SEMA3E: variants seen among roughly 807,000 people sequenced by gnomAD.
SEMA3E encodes the protein semaphorin 3E.
In SEMA3E, 49 loss-of-function variants were observed where a neutral mutation model predicts 93.6. The observed-to-expected ratio is 0.52, with a 90% CI of 0.42 to 0.66. The LOEUF is 0.66. Among genes scored for constraint, SEMA3E ranks in the 30% least tolerant of loss-of-function variants. SEMA3E has a pLI of 0.00. For synonymous variants in SEMA3E, 363 were observed against 330.7 expected (o/e 1.10, Z -1.06); for missense variants, 906 against 964.8 (o/e 0.94, Z 0.81).
chr7:83,407,737 G>C (rs1266845964), intron 6 of SEMA3E, among the ~76,000 whole-genome samples: 2 of 151,922 alleles, frequency 1.3e-5, no homozygotes, highest in East Asian at 3.9e-4. Flanking sequence ...TACGTTTTTG[G>C]GATTGTAGTC....
At chr7:83,547,816 G>T (rs1791682050) in intron 1 of SEMA3E, among the ~76,000 whole-genome samples, 2 of 152,028 alleles carry the variant, frequency 1.3e-5, no homozygotes, top group African/African-American at 4.8e-5. Flanking sequence ...ACTGCCAGGT[G>T]AGGCAAGCAG....
chr7:83,571,713 G>A (rs952825383), intron 1 of SEMA3E, among the ~76,000 whole-genome samples: 3 of 152,166 alleles, frequency 2.0e-5, no homozygotes, highest in Non-Finnish European at 1.5e-5. Context: ...AGTACTGGAA[G>A]TGCTAGCCAG....
Position 83,543,885 on chromosome 7 carries a change from T to C in SEMA3E, c.116-53611A>G, listed in dbSNP as rs193065360. On this transcript the variant is annotated intron_variant, in intron 1 of 16. Transcript: ENST00000643230. ...AATATCAAGGTAATGTTTATAGCAC[T>C]ATATTTTCACACTTCTTGATCAGTT... is the stretch of plus-strand genomic sequence containing the variant. 1.3e-3 allele frequency among the ~76,000 whole-genome samples: 197 copies of C among 152,188 alleles called. 1 individual carries two copies. The Middle Eastern group carries it at 0.014, about 11-fold the overall frequency.
chr7:83,422,137 A>G (rs1193976311), intron 4 of SEMA3E, among the ~76,000 whole-genome samples: 8 of 152,334 alleles, frequency 5.3e-5, no homozygotes, highest in Non-Finnish European at 8.8e-5. Context: ...AGATCGTGCC[A>G]TTGCACTCCA....
chr7:83,591,106 C>CAAAAA lies in SEMA3E; in HGVS notation c.115+57317_115+57321dup, dbSNP rs202162169. Among the ~76,000 whole-genome samples, 186 of 114,542 alleles carry CAAAAA rather than the reference C, an allele frequency of 1.6e-3. 2 individuals are homozygous for CAAAAA. Among genetic ancestry groups the CAAAAA allele is most frequent in the African/African-American group, 5.1e-3 (164 of 31,892 alleles). 75.1% of individuals were successfully genotyped at this position (114,542 alleles called of 152,430 possible). A position where few individuals can be genotyped will look rare whatever the true frequency, so the allele number is the denominator to read the frequency against. ...ATAAACTTTATCTTAGAGTTATTTG[C>CAAAAA]AAAAAAAAAAAAAAAACAAGAGGAA... On this transcript the variant is annotated intron_variant, in intron 1 of 16. Coordinates refer to ENST00000643230, the MANE Select transcript of SEMA3E (RefSeq NM_012431.3).
intron 7 of SEMA3E, among the ~76,000 whole-genome samples, chr7:83,406,847 G>C (rs1788339305): frequency 6.6e-6 from 1 of 152,038 alleles, no homozygotes; most frequent in African/African-American, 2.4e-5. Context: ...TGGGAAGAAG[G>C]ACAGTCTAAT....
At chr7:83,450,861 G>T (rs899137580) in intron 4 of SEMA3E, among the ~76,000 whole-genome samples, 1 of 152,072 alleles carries the variant, frequency 6.6e-6, no homozygotes, top group South Asian at 2.1e-4. Context: ...CCACTAAACC[G>T]TTCCAAGAGT....
At chr7:83,485,325 T>G (rs1336046538) in intron 2 of SEMA3E, among the ~76,000 whole-genome samples, 1 of 152,198 alleles carries the variant, frequency 6.6e-6, no homozygotes, top group African/African-American at 2.4e-5. Context: ...TAATTCATAA[T>G]TAATTTTTAT....
At chr7:83,427,762 A>C (rs553227324) in intron 4 of SEMA3E, among the ~76,000 whole-genome samples, 13 of 152,148 alleles carry the variant, frequency 8.5e-5, no homozygotes, top group Non-Finnish European at 1.5e-4. Flanking sequence ...ATCAACCAGA[A>C]AACTTGAGCC....
chr7:83,420,751 T>C (rs1306448445), intron 4 of SEMA3E, among the ~76,000 whole-genome samples: 3 of 152,190 alleles, frequency 2.0e-5, no homozygotes, highest in Non-Finnish European at 4.4e-5. Context: ...TAATTGGCAC[T>C]GGGATTGCTG....
Position 83,405,991 on chromosome 7 carries a change from G to A in SEMA3E, c.882C>T (p.Cys294=). Reference sequence around the variant, plus strand: ...CAATTCCATTCATTCCTGGTACTGAGCAAACGAGTCTCGCTTTTAGGAAAG... The same window carrying A: ...CAATTCCATTCATTCCTGGTACTGAACAAACGAGTCTCGCTTTTAGGAAAG... The part of the protein sequence containing the change: ...WSTFLKARLV[C]SVPGMNGIDT... Residue 294 remains cysteine, a synonymous_variant, in exon 8 of 17, where the codon TGC becomes TGT. Coordinates refer to ENST00000643230, the MANE Select transcript of SEMA3E (RefSeq NM_012431.3). The A allele has an allele frequency of 6.2e-7, 1 of 1,613,288 alleles. No individual in the cohort carries two copies. The highest frequency in any genetic ancestry group is 8.5e-7 in the Non-Finnish European group (1 of 1,179,466).
At chr7:83,501,092 T>G (rs1790588746) in intron 1 of SEMA3E, among the ~76,000 whole-genome samples, 1 of 152,350 alleles carries the variant, frequency 6.6e-6, no homozygotes, top group South Asian at 2.1e-4. Context: ...CTTAATAAGA[T>G]ACTATTATTT....
At chr7:83,463,435 C>A (rs1789676612) in intron 4 of SEMA3E, among the ~76,000 whole-genome samples, 1 of 152,214 alleles carries the variant, frequency 6.6e-6, no homozygotes, top group Non-Finnish European at 1.5e-5. Context: ...CATATACTTT[C>A]TGCTCCCCGG....
chr7:83,380,244 C>A (rs1056499893), intron 16 of SEMA3E, among the ~76,000 whole-genome samples: 17 of 151,832 alleles, frequency 1.1e-4, no homozygotes, highest in African/African-American at 4.1e-4. Context: ...AAAATTGAAA[C>A]CTGTCTTCTC....
intron 1 of SEMA3E, among the ~76,000 whole-genome samples, chr7:83,599,339 T>G (rs1351550824): frequency 1.3e-5 from 2 of 152,150 alleles, no homozygotes; most frequent in Non-Finnish European, 2.9e-5. Flanking sequence ...AAGTATTCTG[T>G]GGTTAAGCAA....
chr7:83,529,384 T>G (rs1201591304), intron 1 of SEMA3E, among the ~76,000 whole-genome samples: 1 of 152,148 alleles, frequency 6.6e-6, no homozygotes, highest in African/African-American at 2.4e-5. Flanking sequence ...AATAGCTGTT[T>G]CTGTATACTC....
intron 1 of SEMA3E, chr7:83,616,716 CTTCT>C (rs577566932): frequency 1.7e-3 from 784 of 451,010 alleles, no homozygotes; most frequent in Non-Finnish European, 2.7e-3. Context: ...CTTCATTCTT[CTTCT>C]TTCTTTCTTT....
chr7:83,475,103 A>G (rs1016044873), intron 2 of SEMA3E, among the ~76,000 whole-genome samples: 3 of 151,930 alleles, frequency 2.0e-5, no homozygotes, highest in Non-Finnish European at 4.4e-5. Flanking sequence ...TCCCTCATCC[A>G]TAATTCAGAA....
At chr7:83,405,548 T>A (rs769058062) in intron 8 of SEMA3E, 29 bp from the exon 9 acceptor site, 2 of 1,582,412 alleles carry the variant, frequency 1.3e-6, no homozygotes, top group South Asian at 2.2e-5. Flanking sequence ...TTCCATCGCT[T>A]AGTATTTTTA....
Sources: allele counts gnomAD v4.1 joint callset (sites outside exome capture counted in the v4.1 genomes callset), GRCh38; gene constraint gnomAD v4.1.1; transcripts MANE v1.5; gene names NCBI Gene and HGNC (gene_info 2026-07-23, HGNC 2026-07-21).